Variants in IL34 observed in about 807,000 individuals in gnomAD.
IL34 encodes interleukin 34.
In IL34, 17 loss-of-function variants were observed where a neutral mutation model predicts 25.3. The ratio of observed to expected loss-of-function variants is 0.67; its 90% CI spans 0.46 to 1.01. The LOEUF (loss-of-function observed/expected upper bound fraction) is 1.01. IL34 is among the 50% of genes least tolerant of loss of function. IL34 has a pLI of 0.00. For missense variants in IL34, 368 were observed against 312.9 expected, an observed-to-expected ratio of 1.18 and a Z score of -1.33; for synonymous variants, 174 against 140.9, an observed-to-expected ratio of 1.23 and a Z score of -1.66.
rs143111548 is a variant in IL34 at position 70,654,657 on chromosome 16, C to A, written c.148C>A (p.Arg50=). The A allele has an allele frequency of 6.2e-3, 10,049 of 1,609,178 alleles. 37 individuals carry two copies. Among genetic ancestry groups the A allele is most frequent in the Non-Finnish European group, 7.8e-3 (9,133 of 1,176,358 alleles). The part of the protein sequence containing the change: ...FLRDKLQYRS[R]LQYMKHYFPI... ...GCGGGACAAGCTGCAGTACAGGAGC[C>A]GACTTCAGTACATGGTAACCACGTG... Residue 50 remains arginine (R), a synonymous_variant, in exon 2 of 6, where the codon CGA becomes AGA. Coordinates refer to ENST00000288098, the MANE Select transcript of IL34 (RefSeq NM_001393494.1).
At chr16:70,583,721 C>T (rs1395270411) in intron 1 of IL34, among the ~76,000 whole-genome samples, 3 of 151,192 alleles carry the variant, frequency 2.0e-5, no homozygotes, top group South Asian at 4.2e-4. Flanking sequence ...GGTGTGATCT[C>T]GGCTCACTGC....
intron 4 of IL34, among the ~76,000 whole-genome samples, chr16:70,658,627 G>C (rs931738368): frequency 4.6e-5 from 7 of 151,348 alleles, no homozygotes; most frequent in Non-Finnish European, 7.4e-5. Context: ...GATTATAGAT[G>C]CCTGCCACCA....
chr16:70,644,712 G>A (rs1292139581), upstream of IL34, among the ~76,000 whole-genome samples: 14 of 140,602 alleles, frequency 1.0e-4, no homozygotes, highest in South Asian at 2.3e-4. Flanking sequence ...GAGGAGGAGG[G>A]GGAGGAGGAG....
chr16:70,641,892 C>T (rs756392562), upstream of IL34, among the ~76,000 whole-genome samples: 5 of 152,014 alleles, frequency 3.3e-5, no homozygotes, highest in Non-Finnish European at 7.4e-5. Flanking sequence ...CAAAATGACA[C>T]TAAAAATCCT....
At chr16:70,607,384 A>G (rs888568882) in intron 1 of IL34, among the ~76,000 whole-genome samples, 1 of 152,064 alleles carries the variant, frequency 6.6e-6, no homozygotes, top group Non-Finnish European at 1.5e-5. Flanking sequence ...GAGTACAGGC[A>G]TTGAGCCACT....
At chr16:70,620,712 A>G (rs1452673936) in intron 1 of IL34, among the ~76,000 whole-genome samples, 1 of 131,692 alleles carries the variant, frequency 7.6e-6, no homozygotes, top group Non-Finnish European at 1.6e-5. Context: ...GTATTTTACA[A>G]CAAGAATTAT....
intron 1 of IL34, among the ~76,000 whole-genome samples, chr16:70,590,746 G>A (rs1412165127): frequency 6.6e-6 from 1 of 152,184 alleles, no homozygotes; most frequent in Non-Finnish European, 1.5e-5. Flanking sequence ...CCAGCAGCTG[G>A]CGTTGCTGGG....
chr16:70,655,829 C>T (rs1368704427), intron 2 of IL34, among the ~76,000 whole-genome samples: 3 of 152,182 alleles, frequency 2.0e-5, no homozygotes, highest in Non-Finnish European at 1.5e-5. Flanking sequence ...TCTCCTCAGC[C>T]TCCCAAGGTG....
At chr16:70,655,906 A>C (rs1163606936) in intron 2 of IL34, among the ~76,000 whole-genome samples, 2 of 152,184 alleles carry the variant, frequency 1.3e-5, no homozygotes, top group African/African-American at 2.4e-5. Flanking sequence ...CTTTACTGAG[A>C]TATAATTTAC....
chr16:70,609,055 T>C (rs1189050496), intron 1 of IL34, among the ~76,000 whole-genome samples: 1 of 152,130 alleles, frequency 6.6e-6, no homozygotes, highest in Non-Finnish European at 1.5e-5. Flanking sequence ...TATTTTTATT[T>C]ATTTTTTAAA....
At chr16:70,599,317 TTTTC>T (rs1191548943) in intron 1 of IL34, among the ~76,000 whole-genome samples, 8 of 78,660 alleles carry the variant, frequency 1.0e-4, no homozygotes, top group Admixed American at 4.5e-4. Flanking sequence ...TCTTTCTTTC[TTTTC>T]TTTCTTTCTC....
At position 70,585,838 on chromosome 16, in the gene IL34, T is replaced by G. The variant is rs546390872; in HGVS notation, c.-401+5789T>G. On this transcript the variant is annotated intron_variant, in intron 1 of 6. Transcript: ENST00000429149. ...TGAGCCACTGCATCCAGCCTCCTTG[T>G]TTTTTTTTTTTTTGAGACCGAGTCT... 1.5e-4 allele frequency among the ~76,000 whole-genome samples: 18 copies of G among 118,512 alleles called. No homozygotes were observed. The South Asian group carries it at 2.9e-3, about 19-fold the overall frequency. The allele number at this position is 118,512 out of a possible 152,430, so 77.7% of individuals were successfully genotyped here.
intron 1 of IL34, among the ~76,000 whole-genome samples, chr16:70,647,901 G>A (rs1169178510): frequency 6.6e-6 from 1 of 152,244 alleles, no homozygotes; most frequent in African/African-American, 2.4e-5. Context: ...GTGCAGCATG[G>A]GGGAGGGGCT....
chr16:70,586,983 G>C (rs987771912), intron 1 of IL34, among the ~76,000 whole-genome samples: 11 of 152,190 alleles, frequency 7.2e-5, no homozygotes, highest in Admixed American at 7.2e-4. Context: ...TTTGGGGGCT[G>C]CCGAGCTAGC....
intron 1 of IL34, among the ~76,000 whole-genome samples, chr16:70,613,779 C>G (rs933792679): frequency 6.6e-6 from 1 of 151,942 alleles, no homozygotes; most frequent in African/African-American, 2.4e-5. Flanking sequence ...GAAGCTGAGG[C>G]AGGAGGATTG....
At chr16:70,619,993 C>T (rs2051246705) in intron 1 of IL34, among the ~76,000 whole-genome samples, 6 of 151,954 alleles carry the variant, frequency 3.9e-5, no homozygotes, top group Non-Finnish European at 8.8e-5. Context: ...TTTGGAAGTT[C>T]TTGTGTGCTG....
At chr16:70,589,242 GTTAA>G (rs956246047) in intron 1 of IL34, among the ~76,000 whole-genome samples, 21 of 152,146 alleles carry the variant, frequency 1.4e-4, no homozygotes, top group Admixed American at 1.0e-3. Context: ...GGTTAAAATG[GTTAA>G]TTTTTTTTTA....
chr16:70,628,852 A>G (rs1229466115), intron 1 of IL34, among the ~76,000 whole-genome samples: 16 of 150,410 alleles, frequency 1.1e-4, no homozygotes, highest in Admixed American at 8.6e-4. Flanking sequence ...CAGTGGCTCA[A>G]TCACAGCTCA....
chr16:70,582,774 C>T (rs74668813), intron 1 of IL34, among the ~76,000 whole-genome samples: 1,776 of 152,302 alleles, frequency 0.012, 39 homozygotes, highest in African/African-American at 0.04. Context: ...GAGACATGCA[C>T]AAGATGCCTC....
Sources: allele counts gnomAD v4.1 joint callset (sites outside exome capture counted in the v4.1 genomes callset), GRCh38; gene constraint gnomAD v4.1.1; transcripts MANE v1.5; gene names NCBI Gene and HGNC (gene_info 2026-07-23, HGNC 2026-07-21).